EPS15: variants seen among roughly 807,000 people sequenced by gnomAD.
The protein encoded by EPS15 is epidermal growth factor receptor pathway substrate 15.
Under a neutral mutation model 113.8 loss-of-function variants are expected in EPS15, and 72 were observed. The observed-to-expected ratio is 0.63, with a 90% CI of 0.52 to 0.77. The LOEUF is 0.77. EPS15 is among the 30% of genes least tolerant of loss of function. The pLI is 0.00. For missense variants in EPS15, 1,048 were observed against 1,045.8 expected (o/e 1.00, Z -0.03); for synonymous variants, 344 against 363.4 (o/e 0.95, Z 0.61).
At chr1:51,367,072 G>A (rs1296575248) in intron 21 of EPS15, among the ~76,000 whole-genome samples, 1 of 152,212 alleles carries the variant, frequency 6.6e-6, no homozygotes, top group East Asian at 1.9e-4. Flanking sequence ...TATGGGTTAT[G>A]AAAGAGGTAT....
intron 12 of EPS15, 62 bp downstream of exon 12, chr1:51,440,282 TGTG>T: frequency 2.6e-6 from 1 of 389,546 alleles, no homozygotes; most frequent in Admixed American, 3.4e-5. Flanking sequence ...ATGTACTGTG[TGTG>T]TGTGTGTGTG....
chr1:51,431,028 A>AC lies in EPS15; in HGVS notation c.1041-9171_1041-9170insG, dbSNP rs1491336069. Among the ~76,000 whole-genome samples the AC allele has an allele frequency of 1.2e-3, 130 of 108,532 alleles. 1 individual carries two copies. Among genetic ancestry groups the AC allele is most frequent in the African/African-American group, 1.5e-3 (34 of 22,152 alleles). 71.2% of individuals were successfully genotyped at this position (108,532 alleles called of 152,430 possible). ...CACACACACACACACACACACACACAAAAATAAAACTTGCCTTAATTATAT... is the reference window on the plus strand; with the variant it reads ...CACACACACACACACACACACACACACAAAATAAAACTTGCCTTAATTATAT... On this transcript the variant is annotated intron_variant, in intron 12 of 24. Coordinates refer to ENST00000371733, the MANE Select transcript of EPS15 (RefSeq NM_001981.3).
rs55806131 is a variant in EPS15, at chr1:51,415,796, CAAAAAAAAAAAAAAAA to C, written c.1113+5974_1113+5989del. 9.6e-4 allele frequency among the ~76,000 whole-genome samples: 21 copies of C among 21,966 alleles called. 2 individuals are homozygous for C. Among genetic ancestry groups the C allele is most frequent in the Admixed American group, 7.9e-3 (9 of 1,144 alleles). 14.4% of individuals were successfully genotyped at this position (21,966 alleles called of 152,430 possible). ...GGGCAACAAGAGCAAAACTCCGTCT[CAAAAAAAAAAAAAAAA>C]AAAAAAAAAAAAAAAAAAATTCCAA... On this transcript the variant is annotated intron_variant, in intron 13 of 24. Coordinates refer to ENST00000371733, the MANE Select transcript of EPS15 (RefSeq NM_001981.3).
rs897775516 is a variant in EPS15, at chr1:51,405,923, G to A, written c.1659C>T (p.Pro553=). 1 of 1,613,898 alleles carries A rather than the reference G, an allele frequency of 6.2e-7. No individual in the cohort carries two copies. The highest frequency in any genetic ancestry group is 8.5e-7 in the Non-Finnish European group (1 of 1,179,964). ...VEGQSNLESE[P]IHQESPARSS... ...GACTCACTGGAGATTCCTGGTGTAT[G>A]GGCTCAGACTCTAGGTTGCTCTGGC... is the stretch of plus-strand genomic sequence containing the variant. The change falls in exon 16 of 25, where the codon CCC becomes CCT. Residue 553 remains proline (P), a synonymous_variant. Transcript: ENST00000371733.
chr1:51,457,055 G>A (rs1654051498), intron 8 of EPS15, among the ~76,000 whole-genome samples: 1 of 152,106 alleles, frequency 6.6e-6, no homozygotes, highest in Admixed American at 6.5e-5. Flanking sequence ...GGAGGCCGAG[G>A]CGGGCAGATC....
At chr1:51,462,997 C>G (rs889406650) in intron 7 of EPS15, among the ~76,000 whole-genome samples, 1 of 151,198 alleles carries the variant, frequency 6.6e-6, no homozygotes, top group African/African-American at 2.4e-5. Flanking sequence ...CTGCCTCAGC[C>G]TCCTGAGTAG....
chr1:51,402,346 T>C (rs1648652576), intron 18 of EPS15, 89 bp downstream of exon 18: 1 of 634,906 alleles, frequency 1.6e-6, no homozygotes, highest in African/African-American at 1.9e-5. Flanking sequence ...GTTGGTAGGC[T>C]ATTGAAACTG....
intron 21 of EPS15, among the ~76,000 whole-genome samples, chr1:51,379,867 G>C (rs1646897427): frequency 6.6e-6 from 1 of 152,172 alleles, no homozygotes; most frequent in African/African-American, 2.4e-5. Flanking sequence ...TTCAAGACCA[G>C]CCTGGCAAAC....
chr1:51,377,144 A>T (rs12081144), intron 21 of EPS15, among the ~76,000 whole-genome samples: 196 of 152,098 alleles, frequency 1.3e-3, no homozygotes, highest in African/African-American at 4.4e-3. Flanking sequence ...GGCGGGCGTA[A>T]TCTCAGCTAC....
intron 11 of EPS15, among the ~76,000 whole-genome samples, chr1:51,440,860 A>G (rs139676661): frequency 6.9e-4 from 105 of 152,208 alleles, no homozygotes; most frequent in African/African-American, 2.4e-3. Context: ...TTTTTGTTGA[A>G]TCTCAGACCT....
rs58892404 is a variant in EPS15, at chr1:51,483,398, A to AGTGTGTGT, written c.34-2092_34-2085dup. Among the ~76,000 whole-genome samples, 1,072 of 141,770 alleles carry AGTGTGTGT rather than the reference A, an allele frequency of 7.6e-3. 8 individuals are homozygous for AGTGTGTGT. Among genetic ancestry groups the AGTGTGTGT allele is most frequent in the Middle Eastern group, 0.014 (4 of 286 alleles). 93.0% of individuals were successfully genotyped at this position (141,770 alleles called of 152,430 possible). On this transcript the variant is annotated intron_variant, in intron 1 of 24. Transcript: ENST00000371733. ...ATATATATTCGAACTCAAGACTGCA[A>AGTGTGTGT]GTGTGTGTGTGTGTGTGTGTGTGTG...
At chr1:51,397,718 C>T (rs1362317179) in intron 20 of EPS15, among the ~76,000 whole-genome samples, 3 of 152,026 alleles carry the variant, frequency 2.0e-5, no homozygotes, top group South Asian at 2.1e-4. Context: ...TTACTGAATA[C>T]AAAAAAGAAG....
At chr1:51,412,594 A>G (rs1398175533) in intron 13 of EPS15, among the ~76,000 whole-genome samples, 2 of 152,172 alleles carry the variant, frequency 1.3e-5, no homozygotes, top group Admixed American at 6.5e-5. Flanking sequence ...CAGCATGCCT[A>G]ATTTTTTTCA....
chr1:51,508,701 G>A (rs1288595670), intron 1 of EPS15, among the ~76,000 whole-genome samples: 1 of 152,040 alleles, frequency 6.6e-6, no homozygotes, highest in Non-Finnish European at 1.5e-5. Context: ...TTTTGGAGTA[G>A]ATCACAGATC....
rs1458536366 is a variant in EPS15 at position 51,488,215 on chromosome 1, A to T, written c.34-6901T>A. On this transcript the variant is annotated intron_variant, in intron 1 of 24. Transcript: ENST00000371733. ...ATATAAAACTGCATATGAATTTTTA[A>T]CAATCAAATTAATTTCTAAAGGAAA... 2.0e-5 allele frequency among the ~76,000 whole-genome samples: 3 copies of T among 152,138 alleles called. No individual in the cohort carries two copies. In the East Asian group the frequency reaches 5.8e-4, roughly 29 times the overall value.
chr1:51,364,766 T>C (rs1171058755), intron 22 of EPS15, among the ~76,000 whole-genome samples: 2 of 152,096 alleles, frequency 1.3e-5, no homozygotes. Context: ...CCCAAGATGC[T>C]GGGATTACAG....
At chr1:51,518,793 G>C (rs1054009843) in intron 1 of EPS15, among the ~76,000 whole-genome samples, 12 of 151,240 alleles carry the variant, frequency 7.9e-5, no homozygotes, top group African/African-American at 1.2e-4. Context: ...GGGTGCGGCC[G>C]GCCCGCGCGA....
chr1:51,489,704 C>T (rs934947017), intron 1 of EPS15, among the ~76,000 whole-genome samples: 2 of 152,050 alleles, frequency 1.3e-5, no homozygotes, highest in African/African-American at 2.4e-5. Flanking sequence ...GGTGTCTCTC[C>T]GTGGGTGTTC....
chr1:51,409,028 C>T (rs1330131936), intron 14 of EPS15, among the ~76,000 whole-genome samples: 2 of 152,084 alleles, frequency 1.3e-5, no homozygotes, highest in Non-Finnish European at 2.9e-5. Context: ...CTTCGTGATC[C>T]GCCTGCCTCG....
Sources: gnomAD v4.1 joint callset for allele counts (sites outside exome capture counted in the v4.1 genomes callset) on GRCh38, gnomAD v4.1.1 for gene constraint, MANE v1.5 for transcripts, NCBI Gene and HGNC (gene_info 2026-07-23, HGNC 2026-07-21) for gene names.